Variants in RALGAPA2 observed in about 807,000 individuals in gnomAD.
RALGAPA2 encodes ral GTPase-activating protein subunit alpha-2.
A neutral mutation model predicts 230.4 loss-of-function variants in RALGAPA2; 139 were observed. The observed-to-expected ratio is 0.60, with a 90% confidence interval of 0.53 to 0.69. The LOEUF (loss-of-function observed/expected upper bound fraction) is 0.69, where lower values mean the gene tolerates loss of function less well. Ranked by LOEUF, RALGAPA2 falls within the 30% of genes least tolerant of loss-of-function variation. The pLI, the probability that RALGAPA2 is intolerant of heterozygous loss-of-function variation, is 0.00. For synonymous variants in RALGAPA2, 847 were observed against 837.8 expected (o/e 1.01, Z -0.19); for missense variants, 2,163 against 2,276.0 (o/e 0.95, Z 1.01).
intron 5 of RALGAPA2, 89 bp downstream of exon 5, chr20:20,643,416 CT>C: frequency 2.4e-6 from 3 of 1,236,536 alleles, no homozygotes; most frequent in South Asian, 1.6e-5. Context: ...TTCTAAAGAT[CT>C]TTTTTCCAAA....
intron 10 of RALGAPA2, among the ~76,000 whole-genome samples, chr20:20,621,528 A>G (rs1243685021): frequency 2.4e-5 from 2 of 82,002 alleles, no homozygotes; most frequent in South Asian, 6.9e-4. Flanking sequence ...CTTTTTTGTT[A>G]TTATTATTTT....
intron 1 of RALGAPA2, among the ~76,000 whole-genome samples, chr20:20,697,480 T>C (rs529250034): frequency 1.3e-5 from 2 of 152,304 alleles, no homozygotes; most frequent in South Asian, 4.1e-4. Context: ...GTGGTACAAA[T>C]GGGCGTGGGC....
rs774944949 is a variant in RALGAPA2, at chr20:20,571,909, G to A, written c.2939C>T (p.Ser980Phe). ...GATCAAAACTGGAGGAGATGGAGAA[G>A]ACTGGTTATCCAGGCTTATTGCTAG... ...DNLAISLDNQ[S>F]SPSPPVLIPP... The change falls in exon 22 of 40, where the codon TCT (serine) becomes TTT (phenylalanine). Residue 980 changes from serine to phenylalanine, a missense_variant. Coordinates refer to ENST00000202677, the MANE Select transcript of RALGAPA2 (RefSeq NM_020343.4). The A allele has an allele frequency of 1.2e-6, 2 of 1,611,442 alleles. No homozygotes were observed. The highest frequency in any genetic ancestry group is 1.7e-6 in the Non-Finnish European group (2 of 1,178,586).
intron 28 of RALGAPA2, among the ~76,000 whole-genome samples, chr20:20,526,013 G>A (rs1458006398): frequency 6.6e-6 from 1 of 152,088 alleles, no homozygotes; most frequent in Admixed American, 6.5e-5. Context: ...TGTTGTGGTC[G>A]TGCCTGCCTT....
At chr20:20,626,562 T>C (rs931747138) in intron 10 of RALGAPA2, among the ~76,000 whole-genome samples, 1 of 152,186 alleles carries the variant, frequency 6.6e-6, no homozygotes, top group Admixed American at 6.5e-5. Flanking sequence ...TTGCCAGGGG[T>C]AGGATGCCAA....
intron 34 of RALGAPA2, 83 bp downstream of exon 34, chr20:20,505,327 AT>A (rs2062499935): frequency 7.6e-7 from 1 of 1,319,404 alleles, no homozygotes. Context: ...GCAAAAGCAC[AT>A]GTAAAAACTT....
chr20:20,601,829 G>C lies in RALGAPA2; in HGVS notation c.2056C>G (p.Gln686Glu), dbSNP rs1431771221. The change falls in exon 16 of 40, where the codon CAG becomes GAG. Residue 686 changes from glutamine (Q) to glutamate (E), a missense_variant. Coordinates refer to ENST00000202677, the MANE Select transcript of RALGAPA2 (RefSeq NM_020343.4). ...GACCTCCCCACGGTGGTTCCTTTCTGAGGATCTAGAACACAGCCTGATAAA... is the reference window on the plus strand; with the variant it reads ...GACCTCCCCACGGTGGTTCCTTTCTCAGGATCTAGAACACAGCCTGATAAA... ...QRGKGCVLDP[Q>E]KGTTVGRSFS... 1 of 1,607,200 alleles carries C rather than the reference G, an allele frequency of 6.2e-7. No individual in the cohort carries two copies. The highest frequency in any genetic ancestry group is 8.5e-7 in the Non-Finnish European group (1 of 1,177,568).
intron 30 of RALGAPA2, among the ~76,000 whole-genome samples, chr20:20,522,957 T>A (rs1328196506): frequency 6.6e-6 from 1 of 152,074 alleles, no homozygotes; most frequent in Non-Finnish European, 1.5e-5. Context: ...CTAATATAGT[T>A]ATTAAAATCT....
In RALGAPA2 at chr20:20,503,474, A is replaced by G. The variant is rs1380473999; in HGVS notation, c.5085T>C (p.Gly1695=). Reference sequence around the variant, plus strand: ...CGGTGCTGCCATTGCGCTGAAGGCCACCCATGAACCCACAGTGGGTGGAGA... The same window carrying G: ...CGGTGCTGCCATTGCGCTGAAGGCCGCCCATGAACCCACAGTGGGTGGAGA... ...VDLSTHCGFM[G]GLQRNGSTGQ... is the part of the protein sequence containing the mutation. Residue 1695 remains glycine, a synonymous_variant, in exon 35 of 40, where the codon GGT becomes GGC. Transcript: ENST00000202677. The G allele has an allele frequency of 1.3e-6, 2 of 1,598,878 alleles. No homozygotes were observed. Among genetic ancestry groups the G allele is most frequent in the South Asian group, 2.2e-5 (2 of 89,092 alleles).
chr20:20,397,778 C>T (rs775433028), intron 38 of RALGAPA2, among the ~76,000 whole-genome samples: 2 of 152,330 alleles, frequency 1.3e-5, no homozygotes, highest in Admixed American at 6.5e-5. Context: ...ATGAAAGAAA[C>T]GTGCACTGCT....
rs1307394797 is a variant in RALGAPA2 at position 20,389,607 on chromosome 20, G to C, written c.*3682C>G. 6.6e-6 allele frequency: 1 copy of C among 152,156 alleles called. No individual in the cohort carries two copies. Among genetic ancestry groups the C allele is most frequent in the East Asian group, 1.9e-4 (1 of 5,192 alleles). The allele number at this position is 152,156 out of a possible 1,614,324, so 9.4% of individuals were successfully genotyped here. A position where few individuals can be genotyped will look rare whatever the true frequency, so the allele number is the denominator to read the frequency against. ...TTCTTATAAACTATAATGAGAATGA[G>C]AGAAACATATAGCACTGAAGTGCTG... is the stretch of plus-strand genomic sequence containing the variant. On this transcript the variant is annotated 3_prime_UTR_variant, in exon 40 of 40. Transcript: ENST00000202677.
intron 3 of RALGAPA2, among the ~76,000 whole-genome samples, chr20:20,672,545 T>C (rs2068172716): frequency 6.6e-6 from 1 of 152,072 alleles, no homozygotes; most frequent in Admixed American, 6.5e-5. Context: ...GCTCAATAGA[T>C]TGGTAAAGTA....
chr20:20,495,194 C>A lies in RALGAPA2; in HGVS notation c.5290G>T (p.Ala1764Ser). Residue 1764 changes from alanine to serine, a missense_variant, in exon 36 of 40, where the codon GCC (alanine) becomes TCC (serine). Transcript: ENST00000202677. Reference sequence around the variant, plus strand: ...ATAATGATTGAAACATCTCCAAAGGCAGTTGGGATAATACCCCTGCGGTAG... The same window carrying A: ...ATAATGATTGAAACATCTCCAAAGGAAGTTGGGATAATACCCCTGCGGTAG... ...RDYRRGIIPT[A>S]FGDVSIIIYP... 6.2e-7 allele frequency: 1 copy of A among 1,611,846 alleles called. No homozygotes were observed. Among genetic ancestry groups the A allele is most frequent in the East Asian group, 2.2e-5 (1 of 44,856 alleles).
intron 6 of RALGAPA2, 149 bp downstream of exon 6, chr20:20,640,552 G>T: frequency 4.1e-6 from 3 of 725,992 alleles, no homozygotes; most frequent in South Asian, 2.3e-5. Flanking sequence ...TGATTCTAAG[G>T]TATGTAAGAA....
Position 20,654,649 on chromosome 20 carries a change from G to GTCC in RALGAPA2, c.271-1063_271-1062insGGA, listed in dbSNP as rs1327608472. 8.5e-5 allele frequency among the ~76,000 whole-genome samples: 13 copies of GTCC among 152,282 alleles called. No homozygotes were observed. In the South Asian group the frequency reaches 2.7e-3, roughly 32 times the overall value. On this transcript the variant is annotated intron_variant, in intron 3 of 39. Transcript: ENST00000202677. ...TTCTATATCCATTCATTCACTGATG[G>GTCC]ACACTTAGGTTGTTTCCATATCTCA...
intron 13 of RALGAPA2, among the ~76,000 whole-genome samples, chr20:20,613,770 C>T (rs536376616): frequency 4.7e-4 from 71 of 152,312 alleles, no homozygotes; most frequent in South Asian, 3.5e-3. Context: ...CCTTAGACCT[C>T]CCCAAGGCTC....
At chr20:20,428,452 A>G (rs2060432864) in intron 37 of RALGAPA2, among the ~76,000 whole-genome samples, 1 of 152,224 alleles carries the variant, frequency 6.6e-6, no homozygotes, top group African/African-American at 2.4e-5. Flanking sequence ...GATAGATCAA[A>G]AGCAGCTCCA....
chr20:20,619,333 ACCCTC>A lies in RALGAPA2; in HGVS notation c.1478_1482del (p.Arg493MetfsTer36). 3 of 1,611,928 alleles carry A rather than the reference ACCCTC, an allele frequency of 1.9e-6. No homozygotes were observed. The highest frequency in any genetic ancestry group is 2.5e-6 in the Non-Finnish European group (3 of 1,178,710). ...TTTGTATTTTCCTCCTCTGTCACAC[ACCCTC>A]TGCTCATTGCACTTGTGAAGGAGTA... is the stretch of plus-strand genomic sequence containing the variant. On this transcript the variant is annotated frameshift_variant, in exon 12 of 40. Transcript: ENST00000202677. LOFTEE classifies it high-confidence loss of function.
At position 20,393,066 on chromosome 20, in the gene RALGAPA2, G is replaced by T; in HGVS notation, c.*223C>A. 1 of 1,326,290 alleles carries T rather than the reference G, an allele frequency of 7.5e-7. No individual in the cohort carries two copies. The highest frequency in any genetic ancestry group is 1.5e-5 in the African/African-American group (1 of 66,938). 82.2% of individuals were successfully genotyped at this position (1,326,290 alleles called of 1,614,324 possible). A position where few individuals can be genotyped will look rare whatever the true frequency, so the allele number is the denominator to read the frequency against. The stretch of plus-strand genomic sequence containing the variant: ...TAGTTTGAGTCCCATCTGAGACACG[G>T]TAGTGGGATTCACCATGGGCTTCAG... On this transcript the variant is annotated 3_prime_UTR_variant, in exon 40 of 40. Transcript: ENST00000202677.
Sources: gnomAD v4.1 joint callset for allele counts (sites outside exome capture counted in the v4.1 genomes callset) on GRCh38, gnomAD v4.1.1 for gene constraint, MANE v1.5 for transcripts, NCBI Gene and HGNC (gene_info 2026-07-23, HGNC 2026-07-21) for gene names.